Variants in UBE4A observed in about 807,000 individuals in gnomAD.
The protein encoded by UBE4A is ubiquitin conjugation factor E4 A.
Under a neutral mutation model 117.9 loss-of-function variants are expected in UBE4A, and 48 were observed. That is an observed-to-expected ratio of 0.41 (90% CI 0.32 to 0.52). The LOEUF is 0.52. Among genes scored for constraint, UBE4A ranks in the 20% least tolerant of loss-of-function variants. The pLI is 0.33. For synonymous variants in UBE4A, 407 were observed against 450.0 expected, an observed-to-expected ratio of 0.90 and a Z score of 1.21; for missense variants, 1,067 against 1,296.3, an observed-to-expected ratio of 0.82 and a Z score of 2.72.
chr11:118,372,969 A>G, intron 6 of UBE4A, 117 bp from the exon 7 acceptor site: 1 of 1,041,206 alleles, frequency 9.6e-7, no homozygotes, highest in Non-Finnish European at 1.4e-6. Flanking sequence ...GAGCAAAAAA[A>G]CAAGACCCCC....
Position 118,392,771 on chromosome 11 carries a change from A to G in UBE4A, c.2950A>G (p.Thr984Ala), listed in dbSNP as rs1555128803. The G allele has an allele frequency of 2.5e-6, 4 of 1,614,038 alleles. No individual in the cohort carries two copies. The highest frequency in any genetic ancestry group is 2.2e-5 in the South Asian group (2 of 91,054). Residue 984 changes from threonine to alanine, a missense_variant, in exon 19 of 20, where the codon ACC becomes GCC. Around this residue, in one of 3 missense-constraint regions of UBE4A, gnomAD observed 34 missense variants for 77.7 expected, o/e 0.44. Transcript: ENST00000252108. Reference protein sequence around the residue: ...LADLQQQEEETYADACDEFLD... With the variant: ...LADLQQQEEEAYADACDEFLD... ...AGACCTCCAACAACAGGAAGAGGAAACCTATGCAGATGCCTGTGATGAGTT... is the reference window on the plus strand; with the variant it reads ...AGACCTCCAACAACAGGAAGAGGAAGCCTATGCAGATGCCTGTGATGAGTT...
rs1555128267 is a variant in UBE4A at position 118,390,789 on chromosome 11, G to A, written c.2901G>A (p.Leu967=). 3 of 1,610,340 alleles carry A rather than the reference G, an allele frequency of 1.9e-6. No homozygotes were observed. The Admixed American group carries it at 5.0e-5, about 27-fold the overall frequency. The change falls in exon 18 of 20, where the codon TTG becomes TTA. Residue 967 remains leucine (L), a synonymous_variant. Transcript: ENST00000252108. ...PGNMIMAFSN[L]AERIKSLADL... ...ATATGATTATGGCTTTCAGCAACTT[G>A]GCAGAGAGAATCAAGGTGAGGAAGA...
Position 118,384,940 on chromosome 11 carries a change from A to G in UBE4A, c.2407A>G (p.Ile803Val). The G allele has an allele frequency of 6.6e-7, 1 of 1,511,170 alleles. No individual in the cohort carries two copies. Among genetic ancestry groups the G allele is most frequent in the Admixed American group, 1.9e-5 (1 of 54,032 alleles). 93.6% of individuals were successfully genotyped at this position (1,511,170 alleles called of 1,614,324 possible). ...NDAIFLLDEA[I>V]QYLSKIKIQQ... is the part of the protein sequence containing the mutation. ...TGCCATCTTCCTTTTGGATGAAGCCATACAGGTAAAAAAAAAAAAAAAAAA... is the reference window on the plus strand; with the variant it reads ...TGCCATCTTCCTTTTGGATGAAGCCGTACAGGTAAAAAAAAAAAAAAAAAA... Residue 803 changes from isoleucine (I) to valine (V), a missense_variant, in exon 15 of 20, where the codon ATA becomes GTA. This residue lies in a region of UBE4A where 1,001 missense variants were observed against 1,184.0 expected (regional missense o/e 0.85). Coordinates refer to ENST00000252108, the MANE Select transcript of UBE4A (RefSeq NM_001204077.2).
chr11:118,371,199 A>G (rs1948605766), intron 4 of UBE4A, among the ~76,000 whole-genome samples: 1 of 152,214 alleles, frequency 6.6e-6, no homozygotes, highest in African/African-American at 2.4e-5. Context: ...GAGATCAGCA[A>G]TCACACAGAA....
At chr11:118,389,968 T>C (rs1948797225) in intron 17 of UBE4A, 63 bp downstream of exon 17, 1 of 1,411,962 alleles carries the variant, frequency 7.1e-7, no homozygotes, top group Admixed American at 2.2e-5. Context: ...GTTTTGATAG[T>C]AGAATGACTG....
intron 1 of UBE4A, among the ~76,000 whole-genome samples, chr11:118,361,356 T>C (rs1056056761): frequency 5.9e-5 from 9 of 152,314 alleles, no homozygotes; most frequent in Admixed American, 1.3e-4. Context: ...AATGACATTA[T>C]TGAATATTAA....
At chr11:118,375,258 GT>G in intron 9 of UBE4A, 29 bp downstream of exon 9, 1 of 813,030 alleles carries the variant, frequency 1.2e-6, no homozygotes, top group Non-Finnish European at 1.7e-6. Context: ...TCTCAAAACT[GT>G]GTGTGTGTGT....
chr11:118,386,639 C>A (rs368250797), intron 16 of UBE4A, 27 bp downstream of exon 16: 50 of 1,494,834 alleles, frequency 3.3e-5, no homozygotes, highest in African/African-American at 1.9e-4. Flanking sequence ...CTGCTTCCCC[C>A]CAAAAAAGTA....
intron 11 of UBE4A, 140 bp from the exon 12 acceptor site, chr11:118,381,251 T>G: frequency 1.0e-6 from 1 of 998,646 alleles, no homozygotes; most frequent in East Asian, 2.5e-5. Flanking sequence ...TTTATTGACT[T>G]AACGACCATC....
At chr11:118,392,004 G>C (rs1299086497) in intron 18 of UBE4A, among the ~76,000 whole-genome samples, 1 of 151,916 alleles carries the variant, frequency 6.6e-6, no homozygotes, top group Non-Finnish European at 1.5e-5. Context: ...TATGTTTGTA[G>C]TTGGTAGTTG....
intron 15 of UBE4A, 77 bp from the exon 16 acceptor site, chr11:118,386,361 G>A (rs1277685464): frequency 6.7e-7 from 1 of 1,497,190 alleles, no homozygotes; most frequent in Non-Finnish European, 8.9e-7. Flanking sequence ...ACTGGATTTT[G>A]AATAGGACCT....
intron 19 of UBE4A, among the ~76,000 whole-genome samples, chr11:118,393,734 T>G (rs1217911815): frequency 6.6e-6 from 1 of 152,014 alleles, no homozygotes. Flanking sequence ...TAGCTGAGAC[T>G]ACAGGTGAGC....
chr11:118,389,827 A>G lies in UBE4A; in HGVS notation c.2690A>G (p.Lys897Arg), dbSNP rs1179956475. The change falls in exon 17 of 20, where the codon AAA becomes AGA. Residue 897 changes from lysine (K) to arginine (R), a missense_variant. Lys to Arg is a conservative substitution (Grantham distance 26). Coordinates refer to ENST00000252108, the MANE Select transcript of UBE4A (RefSeq NM_001204077.2). ...GTTGGCCCCAAGATGGGTGCCTTAA[A>G]AGTCAAGGACTTCAGCGAATTTGAC... Reference protein sequence around the residue: ...HLVGPKMGALKVKDFSEFDFK... With the variant: ...HLVGPKMGALRVKDFSEFDFK... 1 of 1,613,732 alleles carries G rather than the reference A, an allele frequency of 6.2e-7. No homozygotes were observed. The highest frequency in any genetic ancestry group is 8.5e-7 in the Non-Finnish European group (1 of 1,179,798).
chr11:118,384,525 C>T (rs1018645915), intron 13 of UBE4A, 110 bp from the exon 14 acceptor site: 2 of 979,286 alleles, frequency 2.0e-6, no homozygotes, highest in Non-Finnish European at 3.1e-6. Flanking sequence ...TGTTAGTAGC[C>T]TTAACACACT....
At chr11:118,396,031 C>CGCCACTGCACTCCATCCTGGGT (rs1948868507) in intron 19 of UBE4A, among the ~76,000 whole-genome samples, 1 of 151,482 alleles carries the variant, frequency 6.6e-6, no homozygotes, top group Non-Finnish European at 1.5e-5. Flanking sequence ...GCAGAGATAA[C>CGCCACTGCACTCCATCCTGGGT]GCCACTGCAC....
intron 1 of UBE4A, among the ~76,000 whole-genome samples, chr11:118,360,505 A>G (rs1021955308): frequency 6.6e-6 from 1 of 152,168 alleles, no homozygotes; most frequent in African/African-American, 2.4e-5. Context: ...ATTGTTTCTT[A>G]ATTTCTATTT....
intron 16 of UBE4A, among the ~76,000 whole-genome samples, chr11:118,387,181 A>G (rs1003143051): frequency 1.3e-5 from 2 of 152,226 alleles, no homozygotes; most frequent in Non-Finnish European, 1.5e-5. Flanking sequence ...TGATATGACA[A>G]TCAGTAATCA....
intron 1 of UBE4A, among the ~76,000 whole-genome samples, chr11:118,364,318 G>T (rs1359620621): frequency 3.9e-5 from 6 of 152,066 alleles, no homozygotes; most frequent in African/African-American, 1.2e-4. Flanking sequence ...CTGACCGTTG[G>T]AATTCGTGTT....
intron 18 of UBE4A, among the ~76,000 whole-genome samples, chr11:118,392,180 T>G (rs1555128652): frequency 6.6e-6 from 1 of 152,218 alleles, no homozygotes; most frequent in East Asian, 1.9e-4. Context: ...CAGTCTTCCC[T>G]CTATTGAGTT....
Sources: gnomAD v4.1 joint callset for allele counts (sites outside exome capture counted in the v4.1 genomes callset) on GRCh38, gnomAD v4.1.1 for gene constraint, gnomAD v4.1.1 regional missense constraint, MANE v1.5 for transcripts, NCBI Gene and HGNC (gene_info 2026-07-23, HGNC 2026-07-21) for gene names.